The following PEAK1 variants were observed in gnomAD, a reference collection of about 807,000 sequenced individuals.
The protein encoded by PEAK1 is inactive tyrosine-protein kinase PEAK1.
A neutral mutation model predicts 124.7 loss-of-function variants in PEAK1; 54 were observed. The observed-to-expected ratio is 0.43, with a 90% CI of 0.35 to 0.54. PEAK1 has a LOEUF of 0.54. Among genes scored for constraint, PEAK1 ranks in the 20% least tolerant of loss-of-function variants. The pLI, the probability that PEAK1 is intolerant of heterozygous loss-of-function variation, is 0.01. For missense variants in PEAK1, 2,046 were observed against 2,134.5 expected (o/e 0.96, Z 0.82); for synonymous variants, 719 against 760.0 (o/e 0.95, Z 0.89).
At chr15:77,334,434 G>C in intron 2 of PEAK1, 1 of 985,136 alleles carries the variant, frequency 1.0e-6, no homozygotes, top group Non-Finnish European at 1.2e-6. Flanking sequence ...GCTTCTACTT[G>C]TACCTGCTTA....
intron 8 of PEAK1, among the ~76,000 whole-genome samples, chr15:77,150,867 A>G (rs1200457885): frequency 6.6e-6 from 1 of 152,086 alleles, no homozygotes; most frequent in Non-Finnish European, 1.5e-5. Flanking sequence ...GCTGCATAGT[A>G]TTCCATGGTG....
At chr15:77,300,776 A>C (rs1478559395) in intron 2 of PEAK1, among the ~76,000 whole-genome samples, 3 of 151,790 alleles carry the variant, frequency 2.0e-5, no homozygotes, top group Non-Finnish European at 4.4e-5. Flanking sequence ...GTTTTTTATG[A>C]CTGTATTCGT....
At chr15:77,129,571 G>A (rs1337225002) in intron 9 of PEAK1, among the ~76,000 whole-genome samples, 2 of 150,782 alleles carry the variant, frequency 1.3e-5, no homozygotes, top group Non-Finnish European at 3.0e-5. Context: ...GAGTAACTGG[G>A]ATTACAGGTG....
At chr15:77,255,011 TGAG>T (rs541560253) in intron 5 of PEAK1, among the ~76,000 whole-genome samples, 5 of 152,300 alleles carry the variant, frequency 3.3e-5, no homozygotes, top group South Asian at 2.1e-4. Context: ...TAAAACTCTC[TGAG>T]GAGATGATGC....
In PEAK1 at chr15:77,115,168, T is replaced by G. The variant is rs1376012944; in HGVS notation, c.4229A>C (p.Asp1410Ala). Residue 1410 changes from aspartate (D) to alanine (A), a missense_variant, in exon 10 of 10, where the codon GAC (aspartate) becomes GCC (alanine). Physicochemically the swap from Asp to Ala is moderately radical, Grantham distance 126. Coordinates refer to ENST00000682557, the MANE Select transcript of PEAK1 (RefSeq NM_001385026.1). ...CATGTCATCCTCATCCTTTTCAGGG[T>G]CATCTGGATCCTCCCAGGGAAGCAG... The part of the protein sequence containing the change: ...NRLLPWEDPD[D>A]PEKDEDDMEE... 1 of 1,614,140 alleles carries G rather than the reference T, an allele frequency of 6.2e-7. No individual in the cohort carries two copies. Among genetic ancestry groups the G allele is most frequent in the Admixed American group, 1.7e-5 (1 of 60,020 alleles).
intron 7 of PEAK1, among the ~76,000 whole-genome samples, chr15:77,159,067 T>A (rs1470603174): frequency 6.6e-6 from 1 of 152,204 alleles, no homozygotes; most frequent in Non-Finnish European, 1.5e-5. Context: ...TTACTAATTA[T>A]AGTATTCTAA....
At chr15:77,372,479 G>A (rs2068712423) in intron 1 of PEAK1, among the ~76,000 whole-genome samples, 1 of 152,106 alleles carries the variant, frequency 6.6e-6, no homozygotes, top group South Asian at 2.1e-4. Flanking sequence ...TCCTCAATCT[G>A]TTTGAATCTG....
intron 5 of PEAK1, among the ~76,000 whole-genome samples, chr15:77,262,096 A>G (rs1440880873): frequency 2.6e-5 from 4 of 152,090 alleles, no homozygotes; most frequent in Non-Finnish European, 5.9e-5. Context: ...CCCTAAAAGA[A>G]CTCCTGAAGG....
intron 6 of PEAK1, among the ~76,000 whole-genome samples, chr15:77,210,085 AGTT>A (rs1307701982): frequency 6.6e-6 from 1 of 152,204 alleles, no homozygotes; most frequent in Admixed American, 6.5e-5. Flanking sequence ...AGCAACTACC[AGTT>A]GTTACAGAGA....
At chr15:77,198,117 G>GTATATA (rs2058196112) in intron 6 of PEAK1, among the ~76,000 whole-genome samples, 1 of 152,064 alleles carries the variant, frequency 6.6e-6, no homozygotes, top group Non-Finnish European at 1.5e-5. Context: ...ATAAGTATAT[G>GTATATA]AATAACCACA....
chr15:77,176,662 G>GC (rs1293426780), intron 7 of PEAK1, among the ~76,000 whole-genome samples: 1 of 152,166 alleles, frequency 6.6e-6, no homozygotes, highest in Non-Finnish European at 1.5e-5. Context: ...GACCTGACTG[G>GC]CCTATGTATA....
chr15:77,107,466 CAG>C (rs553546206), downstream of PEAK1: 6 of 152,226 alleles, frequency 3.9e-5, no homozygotes, highest in Non-Finnish European at 7.3e-5. Context: ...TGGAGAAGAG[CAG>C]AGACACCGGG....
intron 2 of PEAK1, among the ~76,000 whole-genome samples, chr15:77,358,386 C>T (rs2067661651): frequency 1.3e-5 from 2 of 152,166 alleles, no homozygotes; most frequent in South Asian, 4.1e-4. Flanking sequence ...GCTAAACACA[C>T]TAGAATCTGT....
chr15:77,182,752 A>AAAAAAAAAG (rs1304924024), intron 6 of PEAK1, among the ~76,000 whole-genome samples: 1 of 146,494 alleles, frequency 6.8e-6, no homozygotes, highest in Non-Finnish European at 1.5e-5. Context: ...CTTGTCTCAA[A>AAAAAAAAAG]AAAAAAAAAA....
intron 6 of PEAK1, among the ~76,000 whole-genome samples, chr15:77,215,097 C>G (rs932324147): frequency 1.3e-5 from 2 of 152,146 alleles, no homozygotes; most frequent in Non-Finnish European, 2.9e-5. Context: ...GCTCCATAAC[C>G]TCATCAACAC....
At position 77,219,541 on chromosome 15, in the gene PEAK1, T is replaced by C. The variant is rs1038201009; in HGVS notation, c.-115+32826A>G. On this transcript the variant is annotated intron_variant, in intron 6 of 9. Transcript: ENST00000682557. ...ACTCTTTAGTCAGGATATACCTATA[T>C]AGGTGCTAAATTAAAAATCAACCTT... 3.3e-5 allele frequency among the ~76,000 whole-genome samples: 5 copies of C among 152,246 alleles called. No individual in the cohort carries two copies. The South Asian group carries it at 1.0e-3, about 32-fold the overall frequency.
intron 9 of PEAK1, among the ~76,000 whole-genome samples, chr15:77,131,530 C>T (rs927181671): frequency 6.6e-6 from 1 of 152,140 alleles, no homozygotes; most frequent in Non-Finnish European, 1.5e-5. Flanking sequence ...AAAAACTCAG[C>T]TCTACCACTT....
chr15:77,121,430 A>C (rs912814062), intron 9 of PEAK1, among the ~76,000 whole-genome samples: 1 of 152,192 alleles, frequency 6.6e-6, no homozygotes, highest in Non-Finnish European at 1.5e-5. Context: ...GAAACAGATA[A>C]AAGTTGGCAA....
intron 8 of PEAK1, chr15:77,158,209 G>C (rs1467771501): frequency 1.9e-5 from 6 of 307,792 alleles, no homozygotes; most frequent in Non-Finnish European, 3.7e-5. Flanking sequence ...CTCTATCACT[G>C]TATTTATATT....
Sources: gnomAD v4.1 joint callset for allele counts (sites outside exome capture counted in the v4.1 genomes callset) on GRCh38, gnomAD v4.1.1 for gene constraint, MANE v1.5 for transcripts, NCBI Gene and HGNC (gene_info 2026-07-23, HGNC 2026-07-21) for gene names.